SLC14A2: variants seen among roughly 807,000 people sequenced by gnomAD.
SLC14A2 encodes the protein urea transporter 2.
SLC14A2 carries 91 observed loss-of-function variants against 104.6 expected under a neutral mutation model. The ratio of observed to expected loss-of-function variants is 0.87; its 90% CI spans 0.73 to 1.04. SLC14A2 has a LOEUF of 1.04. Among genes scored for constraint, SLC14A2 ranks in the 50% least tolerant of loss-of-function variants. SLC14A2 has a pLI of 0.00. For synonymous variants in SLC14A2, 476 were observed against 466.4 expected (o/e 1.02, Z -0.27); for missense variants, 1,189 against 1,156.0 (o/e 1.03, Z -0.41).
intron 1 of SLC14A2, among the ~76,000 whole-genome samples, chr18:45,400,275 C>G (rs1030718876): frequency 1.3e-5 from 2 of 152,164 alleles, no homozygotes; most frequent in African/African-American, 4.8e-5. Context: ...CAGTCCTTCA[C>G]TCTTTACTTG....
chr18:45,286,079 G>T (rs1426577010), intron 1 of SLC14A2, among the ~76,000 whole-genome samples: 1 of 152,140 alleles, frequency 6.6e-6, no homozygotes, highest in African/African-American at 2.4e-5. Context: ...TAGCTATTCT[G>T]GGGAGCTGAA....
At chr18:45,557,076 A>G (rs1043600863) in intron 2 of SLC14A2, among the ~76,000 whole-genome samples, 1 of 152,228 alleles carries the variant, frequency 6.6e-6, no homozygotes, top group African/African-American at 2.4e-5. Context: ...CAATGCTAGC[A>G]CAGCCAGCAC....
At chr18:45,403,137 C>T (rs1289535048) in intron 1 of SLC14A2, among the ~76,000 whole-genome samples, 3 of 152,160 alleles carry the variant, frequency 2.0e-5, no homozygotes, top group African/African-American at 7.2e-5. Flanking sequence ...CCCTTCTCGG[C>T]TTTCAGATAG....
At chr18:45,396,673 T>A (rs11661526) in intron 1 of SLC14A2, among the ~76,000 whole-genome samples, 72,342 of 140,370 alleles carry the variant, frequency 0.52, 18,185 homozygotes, top group Admixed American at 0.59. Flanking sequence ...TCTTTTTTTT[T>A]AACTTTTATT....
chr18:45,255,578 G>A (rs1599617748), intron 1 of SLC14A2, among the ~76,000 whole-genome samples: 1 of 152,292 alleles, frequency 6.6e-6, no homozygotes, highest in South Asian at 2.1e-4. Context: ...GTTTCAGAAA[G>A]TGATTGCCTG....
intron 2 of SLC14A2, among the ~76,000 whole-genome samples, chr18:45,523,865 G>T (rs746142126): frequency 3.2e-4 from 48 of 152,194 alleles, no homozygotes; most frequent in Non-Finnish European, 5.9e-4. Context: ...GGCTGTTTGT[G>T]TGCCTTTTAC....
intron 2 of SLC14A2, among the ~76,000 whole-genome samples, chr18:45,542,950 A>G (rs1188969859): frequency 6.6e-6 from 1 of 152,020 alleles, no homozygotes; most frequent in Non-Finnish European, 1.5e-5. Context: ...ATTATTTAAT[A>G]TGCGTCTCTT....
At position 45,577,295 on chromosome 18, in the gene SLC14A2, TGGAGCTACAAGATAGCTCCAGGAA is replaced by T. The variant is rs376373538; in HGVS notation, c.-34-47328_-34-47305del. On this transcript the variant is annotated intron_variant, in intron 2 of 20. Transcript: ENST00000586448. ...CCAAAGCTACAGAGCTTTGGATATC[TGGAGCTACAAGATAGCTCCAGGAA>T]GGAGCTATCTTGCCTTTTATGAGCT... Among the ~76,000 whole-genome samples, 910 of 152,132 alleles carry T rather than the reference TGGAGCTACAAGATAGCTCCAGGAA, an allele frequency of 6.0e-3. 5 individuals are homozygous for T. The highest frequency in any genetic ancestry group is 0.021 in the African/African-American group (873 of 41,500).
At chr18:45,481,730 G>C (rs1420935997) in intron 1 of SLC14A2, among the ~76,000 whole-genome samples, 1 of 152,162 alleles carries the variant, frequency 6.6e-6, no homozygotes, top group Non-Finnish European at 1.5e-5. Flanking sequence ...ACTTCAACCA[G>C]AGAAATTGTT....
At chr18:45,239,773 T>A (rs2084292309) in intron 1 of SLC14A2, among the ~76,000 whole-genome samples, 2 of 152,108 alleles carry the variant, frequency 1.3e-5, no homozygotes, top group Non-Finnish European at 2.9e-5. Context: ...AAAAACAAAA[T>A]GCAAAATTTA....
At chr18:45,572,532 G>A (rs1238758961) in intron 2 of SLC14A2, among the ~76,000 whole-genome samples, 1 of 152,122 alleles carries the variant, frequency 6.6e-6, no homozygotes, top group African/African-American at 2.4e-5. Flanking sequence ...ATTTTAGACT[G>A]CCATGTTTAA....
rs2543027 is a variant in SLC14A2 at position 45,543,175 on chromosome 18, C to T, written c.-35+59853C>T. Among the ~76,000 whole-genome samples the T allele has an allele frequency of 7.3e-3, 1,116 of 152,098 alleles. 17 individuals carry two copies. Among genetic ancestry groups the T allele is most frequent in the African/African-American group, 0.026 (1,067 of 41,504 alleles). On this transcript the variant is annotated intron_variant, in intron 2 of 20. Coordinates refer to the SLC14A2 transcript ENST00000586448. The stretch of plus-strand genomic sequence containing the variant: ...TGTTGGCCAGGCTGGTTTCAAACTC[C>T]TGACCTCAAGTGATCTTCCTGCCCA...
Position 45,320,406 on chromosome 18 carries a change from A to G in SLC14A2, c.-125+107215A>G, listed in dbSNP as rs542996399. ...TAAGTCACAAAACCCAAACTCGTCT[A>G]CATGGAATGGTAAGAAAGAAAATAC... On this transcript the variant is annotated intron_variant, in intron 1 of 20. Transcript: ENST00000586448. Among the ~76,000 whole-genome samples, 6 of 152,352 alleles carry G rather than the reference A, an allele frequency of 3.9e-5. No homozygotes were observed. In the South Asian group the frequency reaches 1.2e-3, roughly 32 times the overall value.
intron 1 of SLC14A2, among the ~76,000 whole-genome samples, chr18:45,297,246 C>T (rs1248111285): frequency 1.3e-5 from 2 of 152,164 alleles, no homozygotes; most frequent in Non-Finnish European, 2.9e-5. Context: ...TATTGAAAGA[C>T]AGTTTAAAAC....
At chr18:45,497,924 T>C (rs184631896) in intron 2 of SLC14A2, among the ~76,000 whole-genome samples, 3 of 152,306 alleles carry the variant, frequency 2.0e-5, no homozygotes, top group East Asian at 1.9e-4. Flanking sequence ...AGAAATATAA[T>C]AGCTGGAGAA....
chr18:45,676,908 T>C (rs900139628), intron 18 of SLC14A2, among the ~76,000 whole-genome samples: 5 of 152,250 alleles, frequency 3.3e-5, no homozygotes, highest in Admixed American at 1.3e-4. Flanking sequence ...CACTGTTTCC[T>C]GAAGCCAGTG....
chr18:45,418,841 GA>G (rs542124768), intron 1 of SLC14A2, among the ~76,000 whole-genome samples: 51 of 152,124 alleles, frequency 3.4e-4, no homozygotes, highest in African/African-American at 1.2e-3. Flanking sequence ...TTTTCCTTCT[GA>G]GGAAAAAAAA....
chr18:45,575,811 C>CT (rs1568282616), intron 2 of SLC14A2, among the ~76,000 whole-genome samples: 6 of 147,420 alleles, frequency 4.1e-5, no homozygotes, highest in Non-Finnish European at 7.5e-5. Context: ...TTTCTTCCCA[C>CT]TTTTTTTTCT....
At chr18:45,371,020 A>T (rs1222907229) in intron 1 of SLC14A2, among the ~76,000 whole-genome samples, 1 of 152,194 alleles carries the variant, frequency 6.6e-6, no homozygotes, top group East Asian at 1.9e-4. Flanking sequence ...GACAGGCCAG[A>T]GAGGCGGGCT....
Sources: allele counts gnomAD v4.1 joint callset (sites outside exome capture counted in the v4.1 genomes callset), GRCh38; gene constraint gnomAD v4.1.1; transcripts MANE v1.5; gene names NCBI Gene and HGNC (gene_info 2026-07-23, HGNC 2026-07-21).